MFSD8: variants seen among roughly 807,000 people sequenced by gnomAD.
MFSD8 encodes major facilitator superfamily domain containing 8.
MFSD8 carries 55 observed loss-of-function variants against 66.4 expected under a neutral mutation model. The observed-to-expected ratio is 0.83, with a 90% CI of 0.67 to 1.04. The LOEUF is 1.04. MFSD8 is among the 50% of genes least tolerant of loss of function. The pLI, the probability that MFSD8 is intolerant of heterozygous loss-of-function variation, is 0.00. For synonymous variants in MFSD8, 202 were observed against 212.8 expected, an observed-to-expected ratio of 0.95 and a Z score of 0.44; for missense variants, 550 against 627.6, an observed-to-expected ratio of 0.88 and a Z score of 1.32.
intron 1 of MFSD8, 89 bp downstream of exon 1, chr4:127,964,983 G>T: frequency 1.3e-6 from 2 of 1,485,710 alleles, no homozygotes; most frequent in Non-Finnish European, 1.8e-6. Flanking sequence ...CTGGCAGCGA[G>T]GGTTTGTCCC....
intron 7 of MFSD8, among the ~76,000 whole-genome samples, chr4:127,937,732 C>T (rs1279906585): frequency 6.6e-6 from 1 of 152,160 alleles, no homozygotes; most frequent in African/African-American, 2.4e-5. Flanking sequence ...TTAGCCTCTG[C>T]ATGGAATCAA....
chr4:127,964,762 G>C (rs1744715732), intron 1 of MFSD8: 1 of 509,090 alleles, frequency 2.0e-6, no homozygotes, highest in Non-Finnish European at 3.6e-6. Flanking sequence ...TGGAGAGCGA[G>C]CAAGGGCTGT....
At chr4:127,924,031 C>T (rs111995661) in intron 9 of MFSD8, among the ~76,000 whole-genome samples, 35 of 152,168 alleles carry the variant, frequency 2.3e-4, no homozygotes, top group South Asian at 1.2e-3. Flanking sequence ...TCTTCTTCTA[C>T]GGTTTGGCAT....
intron 1 of MFSD8, among the ~76,000 whole-genome samples, chr4:127,959,088 C>T (rs1280280191): frequency 6.6e-6 from 1 of 152,212 alleles, no homozygotes; most frequent in Non-Finnish European, 1.5e-5. Context: ...TCATGTTTGG[C>T]ATTCCCAGTA....
At chr4:127,942,191 A>G in intron 4 of MFSD8, 33 bp from the exon 5 acceptor site, 1 of 1,497,640 alleles carries the variant, frequency 6.7e-7, no homozygotes, top group African/African-American at 1.4e-5. Context: ...CCAAAGTAAA[A>G]GAAAGTATCA....
chr4:127,923,918 T>C (rs1487327951), intron 9 of MFSD8, among the ~76,000 whole-genome samples: 1 of 152,104 alleles, frequency 6.6e-6, no homozygotes, highest in Non-Finnish European at 1.5e-5. Flanking sequence ...TTCGCATCGA[T>C]GTTCATCAGG....
At chr4:127,943,528 A>C (rs1333308794) in intron 4 of MFSD8, 3 of 511,484 alleles carry the variant, frequency 5.9e-6, no homozygotes, top group African/African-American at 1.9e-5. Flanking sequence ...TTTAAACTGA[A>C]TCTTGAAGGA....
intron 7 of MFSD8, among the ~76,000 whole-genome samples, chr4:127,936,182 C>T (rs1043274997): frequency 1.3e-5 from 2 of 151,758 alleles, no homozygotes; most frequent in Admixed American, 6.6e-5. Flanking sequence ...GGCGTGATAT[C>T]GGCTCACTGC....
intron 9 of MFSD8, among the ~76,000 whole-genome samples, chr4:127,924,505 A>G (rs1276681281): frequency 1.3e-5 from 2 of 152,234 alleles, no homozygotes; most frequent in African/African-American, 4.8e-5. Flanking sequence ...TGCAAAGAGA[A>G]TAAAATATCT....
At position 127,933,247 on chromosome 4, in the gene MFSD8, T is replaced by C. The variant is rs1578854074; in HGVS notation, c.755-154A>G. The C allele has an allele frequency of 6.9e-5, 41 of 591,590 alleles. No individual in the cohort carries two copies. In the East Asian group the frequency reaches 1.3e-3, roughly 18 times the overall value. The allele number at this position is 591,590 out of a possible 1,614,324, so 36.6% of individuals were successfully genotyped here. A position where few individuals can be genotyped will look rare whatever the true frequency, so the allele number is the denominator to read the frequency against. On this transcript the variant is annotated intron_variant, in intron 7 of 11. Transcript: ENST00000641686. ...AGTAGTTTAATAATAAGAGAATTTG[T>C]TTATTTTTATTTTTTGAGACAGGGT...
chr4:127,932,816 C>G, intron 8 of MFSD8, 169 bp downstream of exon 8: 1 of 547,900 alleles, frequency 1.8e-6, no homozygotes, highest in Non-Finnish European at 3.3e-6. Context: ...AAATAATTAA[C>G]TACATTCAAG....
chr4:127,922,004 T>G, intron 9 of MFSD8, 41 bp from the exon 10 acceptor site: 1 of 1,497,082 alleles, frequency 6.7e-7, no homozygotes. Context: ...AAATGAAACA[T>G]TATAACATAG....
At chr4:127,948,165 A>G in intron 3 of MFSD8, among the ~76,000 whole-genome samples, 1 of 152,150 alleles carries the variant, frequency 6.6e-6, no homozygotes, top group East Asian at 1.9e-4. Flanking sequence ...TTGGGTATGA[A>G]CAGGGCAGGA....
rs749704755 is a variant in MFSD8, at chr4:127,943,775, C to A, written c.416G>T (p.Arg139Leu). 5.6e-6 allele frequency: 9 copies of A among 1,614,096 alleles called. No individual in the cohort carries two copies. The highest frequency in any genetic ancestry group is 7.6e-6 in the Non-Finnish European group (9 of 1,180,014). The change falls in exon 4 of 12, where the codon CGT (arginine) becomes CTT (leucine). Residue 139 changes from arginine (R) to leucine (L), a missense_variant. Coordinates refer to ENST00000641686, the MANE Select transcript of MFSD8 (RefSeq NM_001371596.2). ...SHNKYYMLVA[R>L]GLLGIGAGNV... The stretch of plus-strand genomic sequence containing the variant: ...ACCTGCTCCAATTCCCAACAATCCA[C>A]GAGCAACCAGCATGTAGTATTTATT...
chr4:127,943,756 T>G lies in MFSD8; in HGVS notation c.435A>C (p.Gly145=), dbSNP rs781299975. ...MLVARGLLGI[G]AGNVAVVRSY... is the part of the protein sequence containing the mutation. ...AACATATACATACAACCTTACCTGCTCCAATTCCCAACAATCCACGAGCAA... is the reference window on the plus strand; with the variant it reads ...AACATATACATACAACCTTACCTGCGCCAATTCCCAACAATCCACGAGCAA... Residue 145 remains glycine, a synonymous_variant, in exon 4 of 12, where the codon GGA becomes GGC. Transcript: ENST00000641686. 3.8e-5 allele frequency: 62 copies of G among 1,614,006 alleles called. No homozygotes were observed. In the Admixed American group the frequency reaches 1.0e-3, roughly 26 times the overall value.
intron 1 of MFSD8, among the ~76,000 whole-genome samples, chr4:127,963,602 C>T (rs992533734): frequency 6.6e-6 from 1 of 151,744 alleles, no homozygotes; most frequent in Non-Finnish European, 1.5e-5. Context: ...CTTAAGGCGG[C>T]GCGTCTGGAG....
At chr4:127,950,737 A>G (rs1489660417) in intron 2 of MFSD8, among the ~76,000 whole-genome samples, 1 of 151,976 alleles carries the variant, frequency 6.6e-6, no homozygotes, top group Non-Finnish European at 1.5e-5. Flanking sequence ...GCAAATCAAG[A>G]AATTCTATAA....
chr4:127,960,505 G>T (rs1743561427), intron 1 of MFSD8, among the ~76,000 whole-genome samples: 1 of 152,070 alleles, frequency 6.6e-6, no homozygotes, highest in Non-Finnish European at 1.5e-5. Context: ...ACTCCAGCCT[G>T]GGCAACAGAC....
chr4:127,953,202 G>A (rs888087346), intron 2 of MFSD8, among the ~76,000 whole-genome samples: 3 of 152,060 alleles, frequency 2.0e-5, no homozygotes, highest in Non-Finnish European at 4.4e-5. Context: ...CTTAGTTGAT[G>A]TTGGTTTAGA....
Sources: allele counts gnomAD v4.1 joint callset (sites outside exome capture counted in the v4.1 genomes callset), GRCh38; gene constraint gnomAD v4.1.1; transcripts MANE v1.5; gene names NCBI Gene and HGNC (gene_info 2026-07-23, HGNC 2026-07-21).